Variants in LETM2 observed in about 807,000 individuals in gnomAD.
LETM2 encodes the protein leucine zipper and EF-hand containing transmembrane protein 2.
Under a neutral mutation model 59.6 loss-of-function variants are expected in LETM2, and 58 were observed. That is an observed-to-expected ratio of 0.97 (90% CI 0.79 to 1.21). The LOEUF is 1.21. LETM2 is among the 50% of genes most tolerant of loss of function. The probability of loss-of-function intolerance (pLI) is 0.00; values close to 1 mark genes in which losing one functional copy is unlikely to be tolerated. For synonymous variants in LETM2, 199 were observed against 214.1 expected, an observed-to-expected ratio of 0.93 and a Z score of 0.62; for missense variants, 572 against 575.7, an observed-to-expected ratio of 0.99 and a Z score of 0.07.
chr8:38,393,832 C>T (rs1047410154), intron 3 of LETM2: 1 of 307,966 alleles, frequency 3.2e-6, no homozygotes, highest in East Asian at 5.5e-5. Context: ...TTATAAACAG[C>T]TGCAGAAAAC....
At position 38,406,537 on chromosome 8, in the gene LETM2, G is replaced by T. The variant is rs760087448; in HGVS notation, c.1219-409G>T. 1.8e-3 allele frequency: 277 copies of T among 156,790 alleles called. 1 individual carries two copies. The highest frequency in any genetic ancestry group is 3.3e-3 in the Non-Finnish European group (236 of 70,878). The allele number at this position is 156,790 out of a possible 1,614,324, so 9.7% of individuals were successfully genotyped here. ...GAGAATTGCTTGAACCCATGAGGTG[G>T]AGGTTGCAGTGAGCCGAGATCGAGC... On this transcript the variant is annotated intron_variant, in intron 8 of 10. Coordinates refer to ENST00000379957, the MANE Select transcript of LETM2 (RefSeq NM_001286819.2).
intron 4 of LETM2, among the ~76,000 whole-genome samples, chr8:38,394,700 G>A (rs563059843): frequency 2.0e-4 from 31 of 151,978 alleles, no homozygotes; most frequent in Middle Eastern, 6.8e-3. Context: ...AAATTAGTTG[G>A]GCATGGTAGC....
Position 38,409,484 on chromosome 8 carries a change from C to A in LETM2, c.*1210C>A, listed in dbSNP as rs1247831466. 6.6e-6 allele frequency: 1 copy of A among 152,192 alleles called. No homozygotes were observed. The highest frequency in any genetic ancestry group is 2.4e-5 in the African/African-American group (1 of 41,440). 9.4% of individuals were successfully genotyped at this position (152,192 alleles called of 1,614,324 possible). ...TGTGCACATACAGCAATCATGGATC[C>A]TGCCTATCGAGGTGATTCACAATAC... On this transcript the variant is annotated 3_prime_UTR_variant, in exon 11 of 11. Coordinates refer to ENST00000379957, the MANE Select transcript of LETM2 (RefSeq NM_001286819.2).
At chr8:38,401,328 G>A (rs553457357) in intron 6 of LETM2, among the ~76,000 whole-genome samples, 3 of 152,196 alleles carry the variant, frequency 2.0e-5, no homozygotes, top group East Asian at 3.9e-4. Context: ...GTAGAGATGG[G>A]ACTTCACCAT....
chr8:38,386,107 G>A (rs1338659361), upstream of LETM2: 1 of 152,222 alleles, frequency 6.6e-6, no homozygotes, highest in Non-Finnish European at 1.5e-5. Flanking sequence ...GATTTGCAGG[G>A]TCCGAGGGAG....
Position 38,392,734 on chromosome 8 carries a change from C to T in LETM2, c.240C>T (p.Ser80=), listed in dbSNP as rs1812394362. ...GTRLIQKLHT[S]TCWLQEVPGK... is the part of the protein sequence containing the mutation. ...GACTAATACAAAAGCTACACACATCCACTTGCTGGCTGCAAGAAGTTCCTG... is the reference window on the plus strand; with the variant it reads ...GACTAATACAAAAGCTACACACATCTACTTGCTGGCTGCAAGAAGTTCCTG... The change falls in exon 3 of 11, where the codon TCC becomes TCT. Residue 80 remains serine (S), a synonymous_variant. Transcript: ENST00000379957. 1.9e-6 allele frequency: 3 copies of T among 1,614,074 alleles called. No individual in the cohort carries two copies. The highest frequency in any genetic ancestry group is 1.3e-5 in the African/African-American group (1 of 74,936).
At chr8:38,388,162 C>T in intron 2 of LETM2, 132 bp downstream of exon 2, 1 of 636,786 alleles carries the variant, frequency 1.6e-6, no homozygotes, top group Admixed American at 2.8e-5. Context: ...CTCACTGCAA[C>T]CTCTGCCTCC....
At chr8:38,396,643 C>T (rs1438115479) in intron 4 of LETM2, among the ~76,000 whole-genome samples, 1 of 152,026 alleles carries the variant, frequency 6.6e-6, no homozygotes, top group Non-Finnish European at 1.5e-5. Flanking sequence ...AGTGGCTCAT[C>T]TCTGTAATCC....
intron 2 of LETM2, among the ~76,000 whole-genome samples, chr8:38,391,181 C>CAAAAAAAAAAAAAA (rs552521178): frequency 9.6e-5 from 5 of 51,868 alleles, no homozygotes; most frequent in Admixed American, 2.3e-4. Flanking sequence ...CCTCCTGTCT[C>CAAAAAAAAAAAAAA]AAAAAAAAAA....
chr8:38,387,511 G>A (rs577292619), intron 1 of LETM2, among the ~76,000 whole-genome samples: 24 of 152,084 alleles, frequency 1.6e-4, no homozygotes, highest in African/African-American at 5.3e-4. Flanking sequence ...TAGTGGGTAC[G>A]TCCAATATTC....
intron 4 of LETM2, 99 bp from the exon 5 acceptor site, chr8:38,400,173 G>C: frequency 1.1e-6 from 1 of 889,408 alleles, no homozygotes; most frequent in South Asian, 1.7e-5. Context: ...CATGATGTAG[G>C]GATGAGCAAT....
intron 9 of LETM2, 51 bp downstream of exon 9, chr8:38,407,089 C>G (rs1329319972): frequency 9.0e-7 from 1 of 1,112,866 alleles, no homozygotes. Context: ...ATGAAAATAG[C>G]AATGGGTCAT....
Position 38,404,288 on chromosome 8 carries a change from G to C in LETM2, c.1105-105G>C, listed in dbSNP as rs1199930896. 2.5e-5 allele frequency: 19 copies of C among 772,142 alleles called. 1 individual carries two copies. The highest frequency in any genetic ancestry group is 1.7e-4 in the Admixed American group (8 of 48,238). The allele number at this position is 772,142 out of a possible 1,614,324, so 47.8% of individuals were successfully genotyped here. On this transcript the variant is annotated intron_variant, in intron 7 of 10. Transcript: ENST00000379957. ...CATCACCTGAGCGGCTTGGCGGAAA[G>C]GGCGGGGGCGGTGGGAAGCTGTCAG...
chr8:38,404,771 G>C (rs945146376), intron 8 of LETM2: 2 of 361,818 alleles, frequency 5.5e-6, no homozygotes, highest in Admixed American at 4.1e-5. Context: ...CCTGAGGTCA[G>C]GAGTTTGAAA....
At chr8:38,389,786 G>A (rs969835113) in intron 2 of LETM2, among the ~76,000 whole-genome samples, 14 of 151,422 alleles carry the variant, frequency 9.2e-5, no homozygotes, top group Admixed American at 3.3e-4. Context: ...GGACCACAAG[G>A]TCAAGAGATC....
intron 6 of LETM2, among the ~76,000 whole-genome samples, chr8:38,402,305 G>A (rs1048488868): frequency 2.6e-5 from 4 of 152,208 alleles, no homozygotes; most frequent in Non-Finnish European, 4.4e-5. Context: ...TGTTGGGAAG[G>A]AGTTGTGTAA....
chr8:38,408,300 T>C lies in LETM2; in HGVS notation c.*26T>C. On this transcript the variant is annotated 3_prime_UTR_variant, in exon 11 of 11. Coordinates refer to ENST00000379957, the MANE Select transcript of LETM2 (RefSeq NM_001286819.2). ...AGGACTACTTGAGGATGGAGCTCACTCTCTTCAGCTTCCGGCCCTCAACAG... is the reference window on the plus strand; with the variant it reads ...AGGACTACTTGAGGATGGAGCTCACCCTCTTCAGCTTCCGGCCCTCAACAG... 6.3e-7 allele frequency: 1 copy of C among 1,598,990 alleles called. No homozygotes were observed. The highest frequency in any genetic ancestry group is 8.6e-7 in the Non-Finnish European group (1 of 1,168,204).
chr8:38,397,215 C>T, intron 4 of LETM2: 1 of 450,116 alleles, frequency 2.2e-6, no homozygotes, highest in Non-Finnish European at 4.5e-6. Flanking sequence ...CTCGCACCAT[C>T]ACCCGGGCTG....
chr8:38,390,062 A>C (rs893800811), intron 2 of LETM2, among the ~76,000 whole-genome samples: 1 of 151,436 alleles, frequency 6.6e-6, no homozygotes, highest in African/African-American at 2.4e-5. Flanking sequence ...CTCTACAAAA[A>C]TTTTTAAAAC....
Sources: allele counts gnomAD v4.1 joint callset (sites outside exome capture counted in the v4.1 genomes callset), GRCh38; gene constraint gnomAD v4.1.1; transcripts MANE v1.5; gene names NCBI Gene and HGNC (gene_info 2026-07-23, HGNC 2026-07-21).